AACS: variants seen among roughly 807,000 people sequenced by gnomAD.
The protein encoded by AACS is acetoacetyl-CoA synthetase.
Under a neutral mutation model 83.1 loss-of-function variants are expected in AACS, and 69 were observed. That is an observed-to-expected ratio of 0.83 (90% confidence interval 0.68 to 1.01). AACS has a LOEUF of 1.01. Ranked by LOEUF, AACS falls within the 50% of genes least tolerant of loss-of-function variation. AACS has a pLI of 0.00. For missense variants in AACS, 866 were observed against 882.2 expected (o/e 0.98, Z 0.23); for synonymous variants, 333 against 343.4 (o/e 0.97, Z 0.33).
At chr12:125,133,936 T>C in intron 14 of AACS, 67 bp from the exon 15 acceptor site, 2 of 1,549,826 alleles carry the variant, frequency 1.3e-6, no homozygotes, top group Non-Finnish European at 1.8e-6. Flanking sequence ...ACACCCAGCG[T>C]CTGTCCAGGC....
intron 5 of AACS, 60 bp downstream of exon 5, chr12:125,091,583 G>A (rs1158335469): frequency 2.6e-6 from 4 of 1,545,356 alleles, no homozygotes; most frequent in Admixed American, 1.7e-5. Context: ...CTGGGCAGGG[G>A]CTGCATGGGC....
Position 125,077,717 on chromosome 12 carries a change from AT to A in AACS, c.358+1120del, listed in dbSNP as rs375700962. On this transcript the variant is annotated intron_variant, in intron 3 of 17. Transcript: ENST00000316519. ...GCCAAAATGAGTCTCCAAGTTGGCA[AT>A]TTTTTTTTTTTTTGAGATAGAATCT... Among the ~76,000 whole-genome samples the A allele has an allele frequency of 3.3e-3, 475 of 145,396 alleles. 2 individuals are homozygous for A. The highest frequency in any genetic ancestry group is 6.1e-3 in the Admixed American group (88 of 14,532).
At chr12:125,102,866 C>T in intron 6 of AACS, 73 bp downstream of exon 6, 3 of 1,482,864 alleles carry the variant, frequency 2.0e-6, no homozygotes, top group Non-Finnish European at 2.8e-6. Flanking sequence ...TGCCAGGAGT[C>T]AATCTGGGTA....
chr12:125,136,953 G>T, intron 17 of AACS, 89 bp downstream of exon 17: 1 of 1,374,138 alleles, frequency 7.3e-7, no homozygotes, highest in Non-Finnish European at 1.0e-6. Flanking sequence ...GCAGCTTGCC[G>T]GTGCTTTATA....
At chr12:125,083,834 A>C (rs1956261477) in intron 3 of AACS, among the ~76,000 whole-genome samples, 1 of 151,504 alleles carries the variant, frequency 6.6e-6, no homozygotes, top group Non-Finnish European at 1.5e-5. Flanking sequence ...TTATATTTTT[A>C]GTACAGACGG....
chr12:125,141,968 C>T (rs552856574), intron 17 of AACS, 124 bp from the exon 18 acceptor site: 31 of 1,239,016 alleles, frequency 2.5e-5, no homozygotes, highest in East Asian at 1.2e-4. Context: ...ATCTTAGAGC[C>T]GAGACCCATT....
chr12:125,117,988 G>GGA (rs565112988), intron 9 of AACS: 21 of 144,804 alleles, frequency 1.5e-4, no homozygotes, highest in Non-Finnish European at 1.8e-4. Flanking sequence ...TGTTTCAGGG[G>GGA]AAAAAAAAAA....
In AACS at chr12:125,091,454, C is replaced by T. The variant is rs754497416; in HGVS notation, c.501C>T (p.Val167=). ...ATTTACCCAACAGTGAGCACGCTGT[C>T]GAGGCGATGCTGGCTGCGGCAAGCA... ...VGYLPNSEHA[V]EAMLAAASIG... Residue 167 remains valine, a synonymous_variant, in exon 5 of 18, where the codon GTC becomes GTT. Transcript: ENST00000316519. 68 of 1,614,124 alleles carry T rather than the reference C, an allele frequency of 4.2e-5. No homozygotes were observed. The highest frequency in any genetic ancestry group is 5.6e-5 in the Non-Finnish European group (66 of 1,180,052).
intron 17 of AACS, 25 bp from the exon 18 acceptor site, chr12:125,142,067 C>G: frequency 6.2e-7 from 1 of 1,613,392 alleles, no homozygotes; most frequent in Non-Finnish European, 8.5e-7. Context: ...TTAAATGTTC[C>G]TGTTTTTCTA....
rs964374105 is a variant in AACS, at chr12:125,136,593, T to C, written c.1679-69T>C. On this transcript the variant is annotated intron_variant, in intron 16 of 17. Transcript: ENST00000316519. ...AGCCTGCCCCTCCTGCTCTGCCAGG[T>C]TGCTGTGAGGCCCGACCCCACACTG... 21 of 1,376,350 alleles carry C rather than the reference T, an allele frequency of 1.5e-5. No individual in the cohort carries two copies. The African/African-American group carries it at 2.8e-4, about 19-fold the overall frequency. The allele number at this position is 1,376,350 out of a possible 1,614,324, so 85.3% of individuals were successfully genotyped here. A position where few individuals can be genotyped will look rare whatever the true frequency, so the allele number is the denominator to read the frequency against.
intron 17 of AACS, 88 bp downstream of exon 17, chr12:125,136,952 C>A: frequency 7.2e-7 from 1 of 1,385,954 alleles, no homozygotes; most frequent in South Asian, 1.3e-5. Context: ...AGCAGCTTGC[C>A]GGTGCTTTAT....
At chr12:125,088,121 C>T (rs1433093493) in intron 4 of AACS, among the ~76,000 whole-genome samples, 2 of 152,166 alleles carry the variant, frequency 1.3e-5, no homozygotes, top group East Asian at 3.8e-4. Context: ...TTTGTTTTCT[C>T]CTCACTGCTG....
chr12:125,114,873 G>A (rs905004040), intron 9 of AACS, among the ~76,000 whole-genome samples: 9 of 148,898 alleles, frequency 6.0e-5, no homozygotes, highest in Non-Finnish European at 1.0e-4. Context: ...CCCGGGCGCC[G>A]GCCCGTGGCA....
Position 125,140,659 on chromosome 12 carries a change from T to C in AACS, c.1882-1433T>C, listed in dbSNP as rs1001262901. On this transcript the variant is annotated intron_variant, in intron 17 of 17. Coordinates refer to ENST00000316519, the MANE Select transcript of AACS (RefSeq NM_023928.5). The surrounding 1 kb of genome is among the most constrained non-coding windows in gnomAD (Gnocchi z 5.1). Reference sequence around the variant, plus strand: ...TCGAGGACTCGTCACTGGGCTCTGTTGCTCCTGAAGTTTCCTAGCCCACAA... The same window carrying C: ...TCGAGGACTCGTCACTGGGCTCTGTCGCTCCTGAAGTTTCCTAGCCCACAA... 3.9e-5 allele frequency: 6 copies of C among 151,944 alleles called. No homozygotes were observed. The highest frequency in any genetic ancestry group is 1.2e-4 in the African/African-American group (5 of 41,374). 9.4% of individuals were successfully genotyped at this position (151,944 alleles called of 1,614,324 possible).
chr12:125,128,677 T>C (rs1227237976), intron 13 of AACS: 1 of 162,930 alleles, frequency 6.1e-6, no homozygotes, highest in Admixed American at 6.2e-5. Context: ...CTAGGAGGGG[T>C]GAGCAGGGCT....
chr12:125,134,750 A>G (rs1410695506), intron 15 of AACS, 44 bp from the exon 16 acceptor site: 1 of 1,611,250 alleles, frequency 6.2e-7, no homozygotes, highest in Non-Finnish European at 8.5e-7. Context: ...GACTTGCTTC[A>G]CTCCAGAGCT....
chr12:125,125,159 A>ATT, intron 12 of AACS, 135 bp downstream of exon 12: 1 of 1,345,058 alleles, frequency 7.4e-7, no homozygotes, highest in Non-Finnish European at 1.0e-6. Flanking sequence ...CCTTCTCATG[A>ATT]TCTGAGGCAG....
chr12:125,111,748 T>C (rs759056542), intron 8 of AACS, among the ~76,000 whole-genome samples: 4 of 152,224 alleles, frequency 2.6e-5, no homozygotes, highest in Non-Finnish European at 4.4e-5. Context: ...TCTCTTCCTT[T>C]ACATGAAATT....
At chr12:125,099,216 T>G (rs578038279) in intron 5 of AACS, among the ~76,000 whole-genome samples, 2 of 152,114 alleles carry the variant, frequency 1.3e-5, no homozygotes, top group Admixed American at 6.5e-5. Flanking sequence ...GTCTGTAATC[T>G]CTCTCTCTTT....
Sources: allele counts gnomAD v4.1 joint callset (sites outside exome capture counted in the v4.1 genomes callset), GRCh38; gene constraint gnomAD v4.1.1; non-coding constraint Gnocchi (gnomAD v3.1); transcripts MANE v1.5; gene names NCBI Gene and HGNC (gene_info 2026-07-23, HGNC 2026-07-21).